SORCS3: variants seen among roughly 807,000 people sequenced by gnomAD.
SORCS3 encodes the protein VPS10 domain-containing receptor SorCS3.
Under a neutral mutation model 146.3 loss-of-function variants are expected in SORCS3, and 57 were observed. That is an observed-to-expected ratio of 0.39 (90% CI 0.31 to 0.49). SORCS3 has a LOEUF of 0.49. SORCS3 is among the 20% of genes least tolerant of loss of function. SORCS3 has a pLI of 0.92. For missense variants in SORCS3, 1,341 were observed against 1,575.5 expected (o/e 0.85, Z 2.52); for synonymous variants, 653 against 618.5 (o/e 1.06, Z -0.83).
intron 1 of SORCS3, among the ~76,000 whole-genome samples, chr10:104,800,688 C>T (rs2017614627): frequency 6.6e-6 from 1 of 152,150 alleles, no homozygotes; most frequent in Admixed American, 6.5e-5. Flanking sequence ...AATAAAAATT[C>T]AGCTTCCATA....
At chr10:104,915,090 AC>A (rs1301794523) in intron 2 of SORCS3, among the ~76,000 whole-genome samples, 1 of 152,022 alleles carries the variant, frequency 6.6e-6, no homozygotes, top group Non-Finnish European at 1.5e-5. Context: ...TCCCTCCTCC[AC>A]CATGGAAGGC....
chr10:105,159,037 C>A, intron 11 of SORCS3, 43 bp downstream of exon 11: 1 of 1,442,204 alleles, frequency 6.9e-7, no homozygotes, highest in South Asian at 1.2e-5. Flanking sequence ...CTGAGAGTGT[C>A]TAGAATAAAT....
intron 20 of SORCS3, among the ~76,000 whole-genome samples, chr10:105,241,983 C>A (rs2056826141): frequency 6.6e-6 from 1 of 152,020 alleles, no homozygotes; most frequent in Admixed American, 6.6e-5. Context: ...TCAATCCAGT[C>A]CAAAGATTTA....
At chr10:104,973,349 A>G (rs1279931676) in intron 3 of SORCS3, among the ~76,000 whole-genome samples, 1 of 151,952 alleles carries the variant, frequency 6.6e-6, no homozygotes, top group African/African-American at 2.4e-5. Flanking sequence ...TTGGTAAGCT[A>G]TTGATTATTG....
chr10:105,180,182 A>G (rs532142680), intron 14 of SORCS3, among the ~76,000 whole-genome samples: 1 of 152,334 alleles, frequency 6.6e-6, no homozygotes, highest in East Asian at 1.9e-4. Context: ...GGATAAAGTA[A>G]TCATCATGGT....
chr10:104,921,817 A>G (rs1197124863), intron 3 of SORCS3, among the ~76,000 whole-genome samples: 2 of 152,124 alleles, frequency 1.3e-5, no homozygotes, highest in African/African-American at 4.8e-5. Flanking sequence ...ACAGGTATAA[A>G]GACCAGGTGA....
At chr10:105,154,331 T>C (rs1395512017) in intron 9 of SORCS3, among the ~76,000 whole-genome samples, 4 of 152,166 alleles carry the variant, frequency 2.6e-5, no homozygotes, top group African/African-American at 7.2e-5. Flanking sequence ...ATCATGGTAA[T>C]TGCTTTTCTC....
chr10:104,829,676 G>A (rs2017979268), intron 1 of SORCS3, among the ~76,000 whole-genome samples: 1 of 151,990 alleles, frequency 6.6e-6, no homozygotes, highest in African/African-American at 2.4e-5. Context: ...TAGTTCAAAG[G>A]CCTTTGAGGC....
intron 5 of SORCS3, among the ~76,000 whole-genome samples, chr10:105,046,564 A>G (rs1000315383): frequency 6.6e-6 from 1 of 152,128 alleles, no homozygotes; most frequent in Non-Finnish European, 1.5e-5. Context: ...GTTAGAATAC[A>G]TTGGAAATTG....
intron 1 of SORCS3, among the ~76,000 whole-genome samples, chr10:104,766,822 C>G (rs1009801549): frequency 1.3e-5 from 2 of 152,200 alleles, no homozygotes; most frequent in Non-Finnish European, 2.9e-5. Flanking sequence ...TCCATTGTAA[C>G]TTGAATTGTT....
chr10:105,097,182 A>G (rs967947145), intron 6 of SORCS3, among the ~76,000 whole-genome samples: 1 of 152,198 alleles, frequency 6.6e-6, no homozygotes, highest in Non-Finnish European at 1.5e-5. Context: ...TCTTGTTTAT[A>G]TATCGGAATC....
Position 104,939,540 on chromosome 10 carries a change from G to A in SORCS3, c.795+23608G>A, listed in dbSNP as rs1431144198. On this transcript the variant is annotated intron_variant, in intron 3 of 26. Coordinates refer to ENST00000369701, the MANE Select transcript of SORCS3 (RefSeq NM_014978.3). Reference sequence around the variant, plus strand: ...TCCTTTTAAGAGAACGTCCAAATGGGTCTGAAACTCCTGAACACTGGAGCT... The same window carrying A: ...TCCTTTTAAGAGAACGTCCAAATGGATCTGAAACTCCTGAACACTGGAGCT... Among the ~76,000 whole-genome samples, 6 of 152,180 alleles carry A rather than the reference G, an allele frequency of 3.9e-5. No individual in the cohort carries two copies. In the East Asian group the frequency reaches 7.7e-4, roughly 20 times the overall value.
intron 1 of SORCS3, among the ~76,000 whole-genome samples, chr10:104,746,543 T>G (rs2016914261): frequency 6.6e-6 from 1 of 152,264 alleles, no homozygotes; most frequent in Non-Finnish European, 1.5e-5. Flanking sequence ...TTTTATCAAT[T>G]TTGAAATATA....
intron 7 of SORCS3, among the ~76,000 whole-genome samples, chr10:105,128,020 G>A (rs1002713652): frequency 1.3e-5 from 2 of 152,142 alleles, no homozygotes; most frequent in Admixed American, 6.5e-5. Context: ...AGAGACACAA[G>A]TTCAAATCCA....
At chr10:104,909,390 C>T (rs1053102656) in intron 2 of SORCS3, among the ~76,000 whole-genome samples, 2 of 152,026 alleles carry the variant, frequency 1.3e-5, no homozygotes, top group African/African-American at 4.8e-5. Context: ...GCAGAAGTTG[C>T]TGAGAGGAAA....
intron 2 of SORCS3, among the ~76,000 whole-genome samples, chr10:104,846,681 G>A (rs899617243): frequency 1.2e-4 from 18 of 152,208 alleles, no homozygotes; most frequent in African/African-American, 3.9e-4. Flanking sequence ...GAATACCTTG[G>A]TGCTCTTCTA....
intron 2 of SORCS3, among the ~76,000 whole-genome samples, chr10:104,914,505 A>T (rs1412193473): frequency 6.6e-6 from 1 of 152,112 alleles, no homozygotes; most frequent in Admixed American, 6.5e-5. Flanking sequence ...GGGTCATCAC[A>T]TTGGGAAGGA....
At chr10:105,154,753 A>G (rs1017460106) in intron 9 of SORCS3, among the ~76,000 whole-genome samples, 5 of 152,162 alleles carry the variant, frequency 3.3e-5, no homozygotes, top group Middle Eastern at 3.2e-3. Context: ...ATATATGTGT[A>G]CATACATGTG....
intron 3 of SORCS3, among the ~76,000 whole-genome samples, chr10:104,973,611 G>A (rs1044066455): frequency 8.0e-5 from 12 of 149,480 alleles, no homozygotes; most frequent in African/African-American, 2.0e-4. Context: ...TCTTGCTAGC[G>A]GTCTATCAAT....
Sources: allele counts gnomAD v4.1 joint callset (sites outside exome capture counted in the v4.1 genomes callset), GRCh38; gene constraint gnomAD v4.1.1; transcripts MANE v1.5; gene names NCBI Gene and HGNC (gene_info 2026-07-23, HGNC 2026-07-21).